MAST4: variants seen among roughly 807,000 people sequenced by gnomAD.
MAST4 encodes the protein microtubule associated serine/threonine kinase family member 4, also known as microtubule-associated serine/threonine-protein kinase 4.
MAST4 carries 89 observed loss-of-function variants against 162.7 expected under a neutral mutation model. The observed-to-expected ratio is 0.55, with a 90% CI of 0.46 to 0.65. MAST4 has a LOEUF of 0.65. Ranked by LOEUF, MAST4 falls within the 30% of genes least tolerant of loss-of-function variation. The pLI is 0.00. For synonymous variants in MAST4, 1,479 were observed against 1,361.1 expected, an observed-to-expected ratio of 1.09 and a Z score of -1.91; for missense variants, 3,153 against 3,374.0, an observed-to-expected ratio of 0.93 and a Z score of 1.62.
chr5:66,722,946 T>C (rs1294837872), intron 1 of MAST4, among the ~76,000 whole-genome samples: 2 of 152,210 alleles, frequency 1.3e-5, no homozygotes, highest in African/African-American at 4.8e-5. Context: ...GTGGTGGAAT[T>C]ATGAGGCAAC....
At chr5:67,017,188 A>C (rs1284978150) in intron 4 of MAST4, among the ~76,000 whole-genome samples, 2 of 152,232 alleles carry the variant, frequency 1.3e-5, no homozygotes, top group Non-Finnish European at 2.9e-5. Flanking sequence ...CACAAAGGAC[A>C]CAAATATTGT....
At chr5:67,111,502 C>G (rs918396467) in intron 11 of MAST4, among the ~76,000 whole-genome samples, 3 of 151,806 alleles carry the variant, frequency 2.0e-5, no homozygotes, top group Non-Finnish European at 4.4e-5. Context: ...ATCAAACACA[C>G]CATTTGGCAT....
chr5:66,750,927 C>T (rs369903258), intron 1 of MAST4, among the ~76,000 whole-genome samples: 49 of 152,348 alleles, frequency 3.2e-4, no homozygotes, highest in East Asian at 2.1e-3. Flanking sequence ...CAGTGGTTCT[C>T]CCAGCATGCA....
chr5:67,121,581 A>C (rs1426636143), intron 14 of MAST4, among the ~76,000 whole-genome samples: 1 of 151,752 alleles, frequency 6.6e-6, no homozygotes, highest in East Asian at 1.9e-4. Context: ...TTAGAGCAGG[A>C]GTGTCCAGTC....
At chr5:66,872,143 T>A (rs1340050152) in intron 3 of MAST4, among the ~76,000 whole-genome samples, 1 of 133,520 alleles carries the variant, frequency 7.5e-6, no homozygotes, top group Non-Finnish European at 1.7e-5. Flanking sequence ...GTGTATAGGA[T>A]ATAAATTTTT....
intron 1 of MAST4, among the ~76,000 whole-genome samples, chr5:66,614,073 G>A (rs1253031497): frequency 6.6e-6 from 1 of 152,190 alleles, no homozygotes; most frequent in Non-Finnish European, 1.5e-5. Context: ...AGGTATAAAT[G>A]TCTAAGCCAG....
chr5:67,088,488 A>G lies in MAST4; in HGVS notation c.764-1674A>G, dbSNP rs139910451. ...CTGGCATTAGATTATTTCCTTTAGGAAACAAAATTTTTAGCCATCTTGAAA... is the reference window on the plus strand; with the variant it reads ...CTGGCATTAGATTATTTCCTTTAGGGAACAAAATTTTTAGCCATCTTGAAA... On this transcript the variant is annotated intron_variant, in intron 5 of 28. Coordinates refer to ENST00000403625, the MANE Select transcript of MAST4 (RefSeq NM_001164664.2). Among the ~76,000 whole-genome samples, 463 of 152,336 alleles carry G rather than the reference A, an allele frequency of 3.0e-3. 2 individuals are homozygous for G. Among genetic ancestry groups the G allele is most frequent in the African/African-American group, 0.01 (427 of 41,576 alleles).
intron 5 of MAST4, among the ~76,000 whole-genome samples, chr5:67,078,912 A>ATAAATAAATATATATAT (rs1491260351): frequency 2.7e-3 from 25 of 9,126 alleles, no homozygotes; most frequent in African/African-American, 0.015. Flanking sequence ...TTTTATATAA[A>ATAAATAAATATATATAT]TATATATATA....
intron 4 of MAST4, among the ~76,000 whole-genome samples, chr5:66,958,153 G>GAGAGAGAGAA (rs1005169745): frequency 6.6e-6 from 1 of 152,108 alleles, no homozygotes; most frequent in Non-Finnish European, 1.5e-5. Flanking sequence ...AAGAGAAAGA[G>GAGAGAGAGAA]AGAGAGAGAA....
At chr5:67,159,532 C>T (rs143940882) in intron 26 of MAST4, among the ~76,000 whole-genome samples, 54 of 152,296 alleles carry the variant, frequency 3.5e-4, no homozygotes, top group African/African-American at 1.3e-3. Flanking sequence ...ATCTTCCAGG[C>T]ATGGGCCTTT....
At chr5:66,815,729 T>G (rs1470198302) in intron 3 of MAST4, among the ~76,000 whole-genome samples, 1 of 152,230 alleles carries the variant, frequency 6.6e-6, no homozygotes, top group Non-Finnish European at 1.5e-5. Context: ...GAATCAGATT[T>G]AATTTATTAG....
chr5:66,748,279 A>G (rs1752889020), intron 1 of MAST4, among the ~76,000 whole-genome samples: 1 of 152,018 alleles, frequency 6.6e-6, no homozygotes, highest in African/African-American at 2.4e-5. Flanking sequence ...CGCTTAATAA[A>G]TGTCTATAAA....
intron 4 of MAST4, among the ~76,000 whole-genome samples, chr5:67,008,665 G>A (rs976428136): frequency 2.6e-5 from 4 of 152,146 alleles, no homozygotes; most frequent in Non-Finnish European, 5.9e-5. Context: ...TTTCCACGCC[G>A]ATGGGTAGTT....
intron 9 of MAST4, among the ~76,000 whole-genome samples, chr5:67,103,652 G>A (rs1765275646): frequency 6.6e-6 from 1 of 152,174 alleles, no homozygotes; most frequent in South Asian, 2.1e-4. Context: ...TACCAAGGGA[G>A]TCCCCTGGGA....
chr5:66,640,125 TACA>T (rs765707519), intron 1 of MAST4, among the ~76,000 whole-genome samples: 2 of 152,192 alleles, frequency 1.3e-5, no homozygotes, highest in African/African-American at 2.4e-5. Context: ...TTTCTATGTA[TACA>T]ACAACTATTT....
intron 1 of MAST4, among the ~76,000 whole-genome samples, chr5:66,752,967 C>T (rs1753281105): frequency 6.6e-6 from 1 of 151,266 alleles, no homozygotes; most frequent in Non-Finnish European, 1.5e-5. Context: ...GACCACAGTG[C>T]AATCAAACTA....
intron 26 of MAST4, 141 bp from the exon 27 acceptor site, chr5:67,160,315 G>T: frequency 1.2e-6 from 1 of 865,656 alleles, no homozygotes. Context: ...GGACTTCTTT[G>T]ATTGAAGGGT....
At chr5:66,943,401 T>C (rs1324484449) in intron 4 of MAST4, among the ~76,000 whole-genome samples, 4 of 152,212 alleles carry the variant, frequency 2.6e-5, no homozygotes, top group South Asian at 2.1e-4. Flanking sequence ...GGCCCTGAGA[T>C]AAAGGAATAT....
chr5:66,773,736 A>C (rs1754461080), intron 2 of MAST4, among the ~76,000 whole-genome samples: 1 of 152,208 alleles, frequency 6.6e-6, no homozygotes, highest in Non-Finnish European at 1.5e-5. Context: ...AGGATGCAAC[A>C]AGAAGGCCCT....
Sources: gnomAD v4.1 joint callset for allele counts (sites outside exome capture counted in the v4.1 genomes callset) on GRCh38, gnomAD v4.1.1 for gene constraint, MANE v1.5 for transcripts, NCBI Gene and HGNC (gene_info 2026-07-23, HGNC 2026-07-21) for gene names.